Variants in SULT1E1 observed in about 807,000 individuals in gnomAD.
SULT1E1 encodes the protein sulfotransferase 1E1.
A neutral mutation model predicts 33.6 loss-of-function variants in SULT1E1; 36 were observed. The observed-to-expected ratio is 1.07, with a 90% confidence interval of 0.82 to 1.41. SULT1E1 has a LOEUF of 1.41. Ranked by LOEUF, SULT1E1 falls within the 40% of genes most tolerant of loss-of-function variation. The pLI, the probability that SULT1E1 is intolerant of heterozygous loss-of-function variation, is 0.00. For synonymous variants in SULT1E1, 121 were observed against 111.7 expected (o/e 1.08, Z -0.53); for missense variants, 371 against 345.7 (o/e 1.07, Z -0.58).
rs911075803 is a variant in SULT1E1 at position 69,857,729 on chromosome 4, G to A, written c.-9-76C>T. Reference sequence around the variant, plus strand: ...CCATTAACAACTATGTATATAACGGGACCCTCCTACATACCTAGCACTTCT... The same window carrying A: ...CCATTAACAACTATGTATATAACGGAACCCTCCTACATACCTAGCACTTCT... On this transcript the variant is annotated intron_variant, in intron 1 of 7. Coordinates refer to ENST00000226444, the MANE Select transcript of SULT1E1 (RefSeq NM_005420.3). 5.1e-6 allele frequency: 7 copies of A among 1,368,282 alleles called. No homozygotes were observed. In the South Asian group the frequency reaches 6.2e-5, roughly 12 times the overall value. 84.8% of individuals were successfully genotyped at this position (1,368,282 alleles called of 1,614,324 possible). A position where few individuals can be genotyped will look rare whatever the true frequency, so the allele number is the denominator to read the frequency against.
downstream of SULT1E1, among the ~76,000 whole-genome samples, chr4:69,840,137 A>G (rs1720857007): frequency 6.6e-6 from 1 of 152,184 alleles, no homozygotes; most frequent in Non-Finnish European, 1.5e-5. Context: ...CCCGGTAAAC[A>G]CTGTCCTCAA....
intron 7 of SULT1E1, among the ~76,000 whole-genome samples, chr4:69,843,484 G>A (rs1385349409): frequency 6.6e-6 from 1 of 152,060 alleles, no homozygotes; most frequent in Admixed American, 6.6e-5. Flanking sequence ...GACTCTCACT[G>A]ACAGTATGGT....
chr4:69,825,013 T>C, the SULT1E1 span, among the ~76,000 whole-genome samples: 199 of 152,310 alleles, frequency 1.3e-3, 2 homozygotes, highest in African/African-American at 4.5e-3. Flanking sequence ...GGTCTGCAGC[T>C]TCACTCCTGA....
intron 7 of SULT1E1, among the ~76,000 whole-genome samples, chr4:69,843,214 C>T (rs1182966273): frequency 6.6e-6 from 1 of 152,012 alleles, no homozygotes; most frequent in Non-Finnish European, 1.5e-5. Flanking sequence ...TGAAATAACC[C>T]AAAAACCAGA....
the SULT1E1 span, among the ~76,000 whole-genome samples, chr4:69,823,219 C>T: frequency 6.6e-6 from 1 of 152,144 alleles, no homozygotes; most frequent in Non-Finnish European, 1.5e-5. Flanking sequence ...AAGACAAAGG[C>T]ACTTAATCAG....
intron 7 of SULT1E1, among the ~76,000 whole-genome samples, chr4:69,842,901 A>G (rs1247279562): frequency 1.3e-5 from 2 of 149,006 alleles, no homozygotes; most frequent in Non-Finnish European, 1.5e-5. Flanking sequence ...CAGTGCAGCT[A>G]TCTCTGCTCA....
rs1288394985 is a variant in SULT1E1 at position 69,841,838 on chromosome 4, C to T, written c.*156G>A. 11 of 421,698 alleles carry T rather than the reference C, an allele frequency of 2.6e-5. No individual in the cohort carries two copies. The highest frequency in any genetic ancestry group is 4.0e-5 in the Non-Finnish European group (10 of 248,960). 26.1% of individuals were successfully genotyped at this position (421,698 alleles called of 1,614,324 possible). On this transcript the variant is annotated 3_prime_UTR_variant, in exon 8 of 8. Transcript: ENST00000226444. ...CCTAGGCAACAGAGTGAGACTCTGT[C>T]TCAAAAAAAAAAAAAAAAAGTTAAA...
the SULT1E1 span, among the ~76,000 whole-genome samples, chr4:69,827,498 G>T: frequency 0.012 from 1,847 of 152,216 alleles, 49 homozygotes; most frequent in African/African-American, 0.042. Context: ...CTCCGGGAAA[G>T]GAAGAAAATC....
At chr4:69,852,868 A>G (rs1721156332) in intron 4 of SULT1E1, among the ~76,000 whole-genome samples, 1 of 152,178 alleles carries the variant, frequency 6.6e-6, no homozygotes, top group Admixed American at 6.6e-5. Context: ...GTTAACAGCA[A>G]GTCCACCACT....
the SULT1E1 span, among the ~76,000 whole-genome samples, chr4:69,825,748 C>T: frequency 0.044 from 6,668 of 151,702 alleles, 214 homozygotes; most frequent in East Asian, 0.082. Flanking sequence ...ATAAGCGAAA[C>T]TCTGAAAGTC....
chr4:69,857,369 T>C (rs930256841), intron 2 of SULT1E1, 131 bp downstream of exon 2: 6 of 1,131,522 alleles, frequency 5.3e-6, no homozygotes, highest in East Asian at 2.6e-5. Context: ...ACCTTTTCTA[T>C]GTCCATATCA....
At chr4:69,824,699 G>A in the SULT1E1 span, among the ~76,000 whole-genome samples, 1 of 152,016 alleles carries the variant, frequency 6.6e-6, no homozygotes, top group Non-Finnish European at 1.5e-5. Flanking sequence ...TCAGCACTCT[G>A]TAAAGCACAC....
the SULT1E1 span, among the ~76,000 whole-genome samples, chr4:69,830,271 G>T: frequency 6.6e-6 from 1 of 152,274 alleles, no homozygotes; most frequent in African/African-American, 2.4e-5. Context: ...TCCTGATTTT[G>T]GTTAATGTAC....
chr4:69,832,845 T>A, the SULT1E1 span, among the ~76,000 whole-genome samples: 2 of 152,074 alleles, frequency 1.3e-5, no homozygotes, highest in African/African-American at 4.8e-5. Flanking sequence ...TATAGTTACA[T>A]AGCAGACGGC....
the SULT1E1 span, among the ~76,000 whole-genome samples, chr4:69,828,432 C>A: frequency 6.6e-6 from 1 of 152,152 alleles, no homozygotes; most frequent in Non-Finnish European, 1.5e-5. Flanking sequence ...GACATGCCAC[C>A]TCTAAGAGCT....
chr4:69,840,218 A>G (rs986056322), downstream of SULT1E1, among the ~76,000 whole-genome samples: 1 of 152,168 alleles, frequency 6.6e-6, no homozygotes, highest in Non-Finnish European at 1.5e-5. Context: ...ATTAAAAAAA[A>G]GCTTTGATTC....
chr4:69,828,498 A>G, the SULT1E1 span, among the ~76,000 whole-genome samples: 1 of 152,258 alleles, frequency 6.6e-6, no homozygotes, highest in Non-Finnish European at 1.5e-5. Context: ...GAGACCACAA[A>G]CCCACCAGAA....
the SULT1E1 span, among the ~76,000 whole-genome samples, chr4:69,835,777 G>A: frequency 2.0e-5 from 3 of 152,080 alleles, no homozygotes; most frequent in Admixed American, 1.3e-4. Flanking sequence ...ATTGAGTAGA[G>A]GATTATTTAT....
At chr4:69,831,251 C>T in the SULT1E1 span, among the ~76,000 whole-genome samples, 2 of 152,124 alleles carry the variant, frequency 1.3e-5, no homozygotes, top group Non-Finnish European at 2.9e-5. Context: ...GTTTATCTTG[C>T]CTTTCCTGTA....
Sources: gnomAD v4.1 joint callset for allele counts (sites outside exome capture counted in the v4.1 genomes callset) on GRCh38, gnomAD v4.1.1 for gene constraint, MANE v1.5 for transcripts, NCBI Gene and HGNC (gene_info 2026-07-23, HGNC 2026-07-21) for gene names.